Variants in SUGCT observed in about 807,000 individuals in gnomAD.
SUGCT encodes the protein succinyl-CoA:glutarate CoA-transferase.
SUGCT carries 41 observed loss-of-function variants against 55.0 expected under a neutral mutation model. That is an observed-to-expected ratio of 0.74 (90% CI 0.58 to 0.97). The LOEUF (loss-of-function observed/expected upper bound fraction) is 0.97. SUGCT is among the 50% of genes least tolerant of loss of function. The probability of loss-of-function intolerance (pLI) is 0.00; values close to 1 mark genes in which losing one functional copy is unlikely to be tolerated. For synonymous variants in SUGCT, 187 were observed against 200.4 expected (o/e 0.93, Z 0.56); for missense variants, 568 against 547.8 (o/e 1.04, Z -0.37).
At chr7:40,293,043 A>G (rs1297286216) in intron 8 of SUGCT, among the ~76,000 whole-genome samples, 1 of 152,164 alleles carries the variant, frequency 6.6e-6, no homozygotes, top group African/African-American at 2.4e-5. Flanking sequence ...TTTTCTGTCA[A>G]TGGAGGCTGG....
At chr7:40,616,018 T>A (rs1798985820) in intron 12 of SUGCT, among the ~76,000 whole-genome samples, 1 of 152,176 alleles carries the variant, frequency 6.6e-6, no homozygotes, top group Admixed American at 6.5e-5. Context: ...CCCTCAGAGG[T>A]CTCTATATTT....
chr7:40,827,177 A>G (rs1260797622), intron 13 of SUGCT, among the ~76,000 whole-genome samples: 3 of 152,162 alleles, frequency 2.0e-5, no homozygotes, highest in Non-Finnish European at 4.4e-5. Context: ...ATAGGAAAGA[A>G]AAACACAAAA....
chr7:40,377,241 TCCTTCC>T (rs1414067091), intron 9 of SUGCT, among the ~76,000 whole-genome samples: 1 of 12,056 alleles, frequency 8.3e-5, no homozygotes, highest in East Asian at 0.015. Context: ...TTCCCTTCCT[TCCTTCC>T]TTCTTTCTTT....
chr7:40,203,089 C>G (rs1240466055), intron 6 of SUGCT, among the ~76,000 whole-genome samples: 2 of 152,150 alleles, frequency 1.3e-5, no homozygotes, highest in South Asian at 2.1e-4. Flanking sequence ...TTGGAAGTCT[C>G]TCTTGTGTGG....
At chr7:40,311,457 CA>C (rs1384155181) in intron 8 of SUGCT, among the ~76,000 whole-genome samples, 2 of 152,174 alleles carry the variant, frequency 1.3e-5, no homozygotes, top group Non-Finnish European at 2.9e-5. Context: ...GCAAGATGTG[CA>C]AAGAATGGCT....
chr7:40,598,658 C>T (rs1422641953), intron 12 of SUGCT, among the ~76,000 whole-genome samples: 9 of 152,118 alleles, frequency 5.9e-5, no homozygotes, highest in Admixed American at 3.3e-4. Context: ...CATCTGTTAA[C>T]GGGACAAACA....
chr7:40,242,911 A>G (rs1195604212), intron 7 of SUGCT, among the ~76,000 whole-genome samples: 1 of 18,468 alleles, frequency 5.4e-5, no homozygotes, highest in East Asian at 4.5e-3. Flanking sequence ...TGTGGCATAT[A>G]TATATATATA....
chr7:40,974,224 G>C, the SUGCT span, among the ~76,000 whole-genome samples: 58,096 of 151,984 alleles, frequency 0.38, 11,208 homozygotes, highest in South Asian at 0.42. Context: ...CATCTGCCCT[G>C]CTACCAAAGC....
intron 9 of SUGCT, among the ~76,000 whole-genome samples, chr7:40,419,745 T>G (rs1456349006): frequency 6.6e-6 from 1 of 152,214 alleles, no homozygotes; most frequent in Non-Finnish European, 1.5e-5. Flanking sequence ...GTTCTATTCA[T>G]TGACTTGGAG....
At chr7:41,034,859 G>A in the SUGCT span, among the ~76,000 whole-genome samples, 2 of 152,146 alleles carry the variant, frequency 1.3e-5, no homozygotes, top group South Asian at 2.1e-4. Flanking sequence ...GGGTGATGGG[G>A]GTATCACTTA....
intron 9 of SUGCT, among the ~76,000 whole-genome samples, chr7:40,333,931 G>T (rs4311579): frequency 0.95 from 143,771 of 151,362 alleles, 68,702 homozygotes; most frequent in East Asian, 1. Flanking sequence ...GGCCTCAGTG[G>T]GTGATAGTCC....
the SUGCT span, among the ~76,000 whole-genome samples, chr7:40,990,382 G>A: frequency 9.7e-4 from 148 of 152,226 alleles, no homozygotes; most frequent in African/African-American, 3.0e-3. Context: ...TTTCAACAGC[G>A]GTCTTAAAAT....
At chr7:40,230,787 A>G (rs144820993) in intron 6 of SUGCT, among the ~76,000 whole-genome samples, 1,817 of 152,272 alleles carry the variant, frequency 0.012, 39 homozygotes, top group African/African-American at 0.041. Flanking sequence ...CCATACATGC[A>G]TAAATATATA....
chr7:40,801,518 A>C (rs1790814668), intron 13 of SUGCT, among the ~76,000 whole-genome samples: 1 of 152,114 alleles, frequency 6.6e-6, no homozygotes. Flanking sequence ...CTTCATCTTG[A>C]GGGGTAGATT....
chr7:40,780,473 A>AG (rs1789678556), intron 13 of SUGCT, among the ~76,000 whole-genome samples: 1 of 152,172 alleles, frequency 6.6e-6, no homozygotes, highest in African/African-American at 2.4e-5. Flanking sequence ...GCAGTTACCC[A>AG]TATCTGCTGA....
chr7:40,773,153 A>G (rs528735010), intron 13 of SUGCT, among the ~76,000 whole-genome samples: 2 of 151,518 alleles, frequency 1.3e-5, no homozygotes, highest in Non-Finnish European at 2.9e-5. Flanking sequence ...TTTGAGATGG[A>G]GTTTTGCTCT....
At chr7:40,875,167 C>T in the SUGCT span, among the ~76,000 whole-genome samples, 6 of 152,200 alleles carry the variant, frequency 3.9e-5, no homozygotes, top group Admixed American at 3.3e-4. Context: ...TTGTGTCTCA[C>T]ACATCTTTTG....
the SUGCT span, among the ~76,000 whole-genome samples, chr7:40,949,573 G>A: frequency 1.3e-5 from 2 of 152,164 alleles, no homozygotes; most frequent in African/African-American, 2.4e-5. Context: ...TTCTTCTAGG[G>A]TTTTTATGTT....
the SUGCT span, among the ~76,000 whole-genome samples, chr7:40,984,750 A>G: frequency 8.5e-5 from 13 of 152,220 alleles, no homozygotes; most frequent in Admixed American, 5.2e-4. Flanking sequence ...TGGAAACATT[A>G]TCACTATCAA....
Sources: allele counts gnomAD v4.1 joint callset (sites outside exome capture counted in the v4.1 genomes callset), GRCh38; gene constraint gnomAD v4.1.1; transcripts MANE v1.5; gene names NCBI Gene and HGNC (gene_info 2026-07-23, HGNC 2026-07-21).